Variants in FLI1 observed in about 807,000 individuals in gnomAD.
FLI1 encodes Friend leukemia integration 1 transcription factor.
In FLI1, 13 loss-of-function variants were observed where a neutral mutation model predicts 53.1. That is an observed-to-expected ratio of 0.24 (90% CI 0.16 to 0.39). FLI1 has a LOEUF of 0.39. FLI1 is among the 10% of genes least tolerant of loss of function. The pLI is 1.00. For missense variants in FLI1, 424 were observed against 600.5 expected (o/e 0.71, Z 3.07); for synonymous variants, 244 against 236.7 (o/e 1.03, Z -0.28).
At chr11:128,687,584 C>A (rs1038336983) in intron 1 of FLI1, among the ~76,000 whole-genome samples, 1 of 152,168 alleles carries the variant, frequency 6.6e-6, no homozygotes, top group Non-Finnish European at 1.5e-5. Flanking sequence ...ATCCTGAAGC[C>A]CCGCCTCCAA....
intron 5 of FLI1, among the ~76,000 whole-genome samples, chr11:128,783,226 G>C (rs549630276): frequency 3.3e-4 from 51 of 152,314 alleles, no homozygotes; most frequent in African/African-American, 1.2e-3. Context: ...TCTAAGGGAA[G>C]GACCATTTGG....
chr11:128,792,984 G>C (rs963169110), intron 5 of FLI1, among the ~76,000 whole-genome samples: 2 of 151,768 alleles, frequency 1.3e-5, no homozygotes, highest in Non-Finnish European at 2.9e-5. Context: ...CAGGTGTAGT[G>C]GTGTGTTCCT....
At chr11:128,693,920 A>AAG (rs1229025288), upstream of FLI1, 3 of 267,120 alleles carry the variant, frequency 1.1e-5, no homozygotes, top group Admixed American at 5.6e-5. Flanking sequence ...GAGGGGAGAG[A>AAG]AGAGAGAGGA....
At chr11:128,750,865 G>A (rs1457688351) in intron 1 of FLI1, among the ~76,000 whole-genome samples, 1 of 152,230 alleles carries the variant, frequency 6.6e-6, no homozygotes, top group Admixed American at 6.5e-5. Context: ...TTAAATTCGT[G>A]AATGCACAGA....
intron 5 of FLI1, among the ~76,000 whole-genome samples, chr11:128,802,827 C>T (rs1236188433): frequency 6.6e-6 from 1 of 152,238 alleles, no homozygotes; most frequent in African/African-American, 2.4e-5. Context: ...CATCCGCCCT[C>T]TGTTGGTGAC....
chr11:128,771,700 G>A (rs987323280), intron 3 of FLI1, among the ~76,000 whole-genome samples: 3 of 152,094 alleles, frequency 2.0e-5, no homozygotes, highest in Non-Finnish European at 4.4e-5. Flanking sequence ...ATAAAATGCC[G>A]AGTCTCTCCT....
At chr11:128,700,960 A>C (rs760976657) in intron 1 of FLI1, among the ~76,000 whole-genome samples, 1 of 152,246 alleles carries the variant, frequency 6.6e-6, no homozygotes, top group Non-Finnish European at 1.5e-5. Flanking sequence ...TAGCTGTACA[A>C]GTCTCTTAGA....
At chr11:128,762,247 C>T (rs950412171) in intron 2 of FLI1, among the ~76,000 whole-genome samples, 3 of 152,174 alleles carry the variant, frequency 2.0e-5, no homozygotes, top group South Asian at 4.1e-4. Context: ...GTTACTTGCA[C>T]ATGATTTGAT....
chr11:128,685,918 G>A (rs1865793831), upstream of FLI1: 1 of 159,800 alleles, frequency 6.3e-6, no homozygotes, highest in Admixed American at 6.1e-5. Context: ...GCAACCTAGG[G>A]TGGCTTTTGC....
rs189431102 is a variant in FLI1 at position 128,809,942 on chromosome 11, C to T, written c.830-517C>T. On this transcript the variant is annotated intron_variant, in intron 8 of 8. Transcript: ENST00000527786. Reference sequence around the variant, plus strand: ...AGCTGCAAGCCAAGCTCTGGGCCTGCCAAGGGCCAATCCAGGTCCTGTCCA... The same window carrying T: ...AGCTGCAAGCCAAGCTCTGGGCCTGTCAAGGGCCAATCCAGGTCCTGTCCA... 1.3e-3 allele frequency among the ~76,000 whole-genome samples: 195 copies of T among 152,284 alleles called. 3 individuals are homozygous for T. The highest frequency in any genetic ancestry group is 3.8e-4 in the Non-Finnish European group (26 of 68,018).
At chr11:128,758,433 G>T in intron 2 of FLI1, 107 bp downstream of exon 2, 2 of 871,780 alleles carry the variant, frequency 2.3e-6, no homozygotes, top group Non-Finnish European at 3.7e-6. Flanking sequence ...GGGCTCTAGA[G>T]CTGGGCCAGG....
chr11:128,743,370 A>T (rs1399315591), intron 1 of FLI1, among the ~76,000 whole-genome samples: 1 of 150,638 alleles, frequency 6.6e-6, no homozygotes, highest in African/African-American at 2.5e-5. Flanking sequence ...ATGCCACTGC[A>T]CTTCAGCCTG....
chr11:128,790,548 G>C (rs1942241611), intron 5 of FLI1, among the ~76,000 whole-genome samples: 1 of 152,144 alleles, frequency 6.6e-6, no homozygotes, highest in Non-Finnish European at 1.5e-5. Flanking sequence ...TAAAAGGACT[G>C]TTATTTCTTT....
chr11:128,809,270 G>T, intron 8 of FLI1, 66 bp downstream of exon 8: 1 of 1,386,738 alleles, frequency 7.2e-7, no homozygotes, highest in South Asian at 1.2e-5. Context: ...AAATCACAGA[G>T]ACTTCTGTCC....
Position 128,811,691 on chromosome 11 carries a change from ATT to A in FLI1, c.*717_*718del, listed in dbSNP as rs201085556. ...TGAAAGACGGGGAATTAAATTACTA[ATT>A]TTTTTTTTTTTTTAAATGATGACAG... On this transcript the variant is annotated 3_prime_UTR_variant, in exon 9 of 9. Coordinates refer to ENST00000527786, the MANE Select transcript of FLI1 (RefSeq NM_002017.5). The A allele has an allele frequency of 9.4e-4, 173 of 183,232 alleles. No individual in the cohort carries two copies. The highest frequency in any genetic ancestry group is 3.9e-3 in the East Asian group (44 of 11,418). 11.4% of individuals were successfully genotyped at this position (183,232 alleles called of 1,614,324 possible). A position where few individuals can be genotyped will look rare whatever the true frequency, so the allele number is the denominator to read the frequency against.
At chr11:128,735,031 G>A (rs1033684181) in intron 1 of FLI1, among the ~76,000 whole-genome samples, 4 of 152,180 alleles carry the variant, frequency 2.6e-5, no homozygotes, top group African/African-American at 9.6e-5. Context: ...TCCCCTTCCC[G>A]CTTTATGACC....
At chr11:128,797,993 T>C (rs1942492674) in intron 5 of FLI1, among the ~76,000 whole-genome samples, 1 of 152,018 alleles carries the variant, frequency 6.6e-6, no homozygotes, top group Non-Finnish European at 1.5e-5. Flanking sequence ...GTATCCCCTA[T>C]GGCCAAGGAG....
At chr11:128,745,477 C>A (rs1320624963) in intron 1 of FLI1, among the ~76,000 whole-genome samples, 1 of 152,184 alleles carries the variant, frequency 6.6e-6, no homozygotes, top group Non-Finnish European at 1.5e-5. Context: ...ACACCTTGGA[C>A]AGAGCAGTTC....
chr11:128,782,292 G>A (rs1941940256), intron 5 of FLI1, among the ~76,000 whole-genome samples: 1 of 152,212 alleles, frequency 6.6e-6, no homozygotes, highest in South Asian at 2.1e-4. Context: ...AGAAAAAAAT[G>A]AATGCTGCTT....
Sources: allele counts gnomAD v4.1 joint callset (sites outside exome capture counted in the v4.1 genomes callset), GRCh38; gene constraint gnomAD v4.1.1; transcripts MANE v1.5; gene names NCBI Gene and HGNC (gene_info 2026-07-23, HGNC 2026-07-21).